Variants in ANKRD33B observed in about 807,000 individuals in gnomAD.
ANKRD33B encodes the protein ankyrin repeat domain-containing protein 33B.
A neutral mutation model predicts 21.5 loss-of-function variants in ANKRD33B; 6 were observed. The ratio of observed to expected loss-of-function variants is 0.28; its 90% CI spans 0.15 to 0.55. The LOEUF (loss-of-function observed/expected upper bound fraction) is 0.55, where lower values mean the gene tolerates loss of function less well. ANKRD33B is among the 20% of genes least tolerant of loss of function. The pLI, the probability that ANKRD33B is intolerant of heterozygous loss-of-function variation, is 0.94. For synonymous variants in ANKRD33B, 347 were observed against 342.4 expected, an observed-to-expected ratio of 1.01 and a Z score of -0.15; for missense variants, 698 against 747.2, an observed-to-expected ratio of 0.93 and a Z score of 0.77.
chr5:10,629,089 C>G (rs1736645854), intron 2 of ANKRD33B, among the ~76,000 whole-genome samples: 1 of 152,112 alleles, frequency 6.6e-6, no homozygotes, highest in South Asian at 2.1e-4. Context: ...GAGACCTCAT[C>G]TAAAGAGCAG....
intron 3 of ANKRD33B, among the ~76,000 whole-genome samples, chr5:10,645,368 C>T (rs1054537933): frequency 2.6e-5 from 4 of 152,188 alleles, no homozygotes; most frequent in African/African-American, 7.2e-5. Context: ...CAGGGCTTCA[C>T]GCTCCACCCA....
chr5:10,600,834 A>G (rs1006373739), intron 1 of ANKRD33B, among the ~76,000 whole-genome samples: 18 of 152,120 alleles, frequency 1.2e-4, no homozygotes, highest in Admixed American at 1.1e-3. Context: ...AGTCTTTTTA[A>G]TTTTAACCAT....
chr5:10,590,607 CGTGTGT>C (rs796913943), intron 1 of ANKRD33B, among the ~76,000 whole-genome samples: 27 of 84,400 alleles, frequency 3.2e-4, no homozygotes, highest in African/African-American at 1.4e-3. Context: ...CGCGCGCGCG[CGTGTGT>C]GTGTGTGTGT....
chr5:10,602,203 C>T (rs1324187069), intron 1 of ANKRD33B, among the ~76,000 whole-genome samples: 1 of 152,246 alleles, frequency 6.6e-6, no homozygotes, highest in Non-Finnish European at 1.5e-5. Context: ...CCCGGGGCCT[C>T]ACCCAGGGCG....
intron 1 of ANKRD33B, among the ~76,000 whole-genome samples, chr5:10,613,463 AT>A (rs777668096): frequency 1.3e-5 from 2 of 150,544 alleles, no homozygotes; most frequent in South Asian, 2.1e-4. Context: ...TTTTTTTTGT[AT>A]TTTTTTTAGT....
intron 2 of ANKRD33B, among the ~76,000 whole-genome samples, chr5:10,621,238 G>C (rs1033698123): frequency 6.6e-6 from 1 of 152,120 alleles, no homozygotes; most frequent in African/African-American, 2.4e-5. Flanking sequence ...GTAACCAGCT[G>C]TATCTTCAAG....
At chr5:10,638,995 G>A (rs188414699) in intron 3 of ANKRD33B, among the ~76,000 whole-genome samples, 10 of 65,300 alleles carry the variant, frequency 1.5e-4, no homozygotes, top group Middle Eastern at 0.01. Flanking sequence ...GCGGAGTTGC[G>A]CGGCGATGTT....
chr5:10,640,334 C>T (rs925145648), intron 3 of ANKRD33B, among the ~76,000 whole-genome samples: 4 of 152,200 alleles, frequency 2.6e-5, no homozygotes, highest in Non-Finnish European at 5.9e-5. Flanking sequence ...CTGTTCCCAT[C>T]TGTGAAATGG....
intron 1 of ANKRD33B, 67 bp from the exon 2 acceptor site, chr5:10,618,266 G>A: frequency 6.5e-7 from 1 of 1,532,350 alleles, no homozygotes; most frequent in Non-Finnish European, 8.7e-7. Context: ...GCCCCTCGGG[G>A]TCCCCAGTGC....
intron 1 of ANKRD33B, among the ~76,000 whole-genome samples, chr5:10,568,348 A>G (rs1184784214): frequency 2.0e-5 from 3 of 152,204 alleles, no homozygotes; most frequent in African/African-American, 4.8e-5. Flanking sequence ...TCCACTTACT[A>G]TCACCTGAAG....
rs532984079 is a variant in ANKRD33B, at chr5:10,646,342, T to C, written c.638-2924T>C. On this transcript the variant is annotated intron_variant, in intron 3 of 3. Coordinates refer to ENST00000296657, the MANE Select transcript of ANKRD33B (RefSeq NM_001164440.2). ...GGAAGGTATTTGTATAAAATGTTAA[T>C]AATCGGTACTTATCTTTTATAATTT... Among the ~76,000 whole-genome samples the C allele has an allele frequency of 3.9e-5, 6 of 152,368 alleles. No homozygotes were observed. The East Asian group carries it at 1.2e-3, about 29-fold the overall frequency.
In ANKRD33B at chr5:10,619,364, G is replaced by A. The variant is rs1056308385; in HGVS notation, c.496+902G>A. 3.0e-6 allele frequency: 3 copies of A among 985,286 alleles called. No homozygotes were observed. The highest frequency in any genetic ancestry group is 3.6e-6 in the Non-Finnish European group (3 of 829,926). The allele number at this position is 985,286 out of a possible 1,614,324, so 61.0% of individuals were successfully genotyped here. A position where few individuals can be genotyped will look rare whatever the true frequency, so the allele number is the denominator to read the frequency against. On this transcript the variant is annotated intron_variant, in intron 2 of 3. Transcript: ENST00000296657. This position sits in a 1 kb window ranked among gnomAD's most constrained non-coding sequence, Gnocchi z 4.5. ...TCAGGGCCTGGAAACTGGAGGAAGT[G>A]CCCCCGACCACACTGTATGTTGATT... is the stretch of plus-strand genomic sequence containing the variant.
At chr5:10,595,452 G>A (rs1278674246) in intron 1 of ANKRD33B, among the ~76,000 whole-genome samples, 4 of 152,164 alleles carry the variant, frequency 2.6e-5, no homozygotes, top group Admixed American at 6.5e-5. Context: ...TCTGTCCTCT[G>A]CACATCTGTG....
At chr5:10,567,245 CA>C (rs1219898531) in intron 1 of ANKRD33B, among the ~76,000 whole-genome samples, 4 of 152,220 alleles carry the variant, frequency 2.6e-5, no homozygotes, top group Admixed American at 6.5e-5. Flanking sequence ...GTTGATCAAA[CA>C]GCCTCTATCT....
At chr5:10,579,874 C>T (rs550198108) in intron 1 of ANKRD33B, among the ~76,000 whole-genome samples, 2 of 152,244 alleles carry the variant, frequency 1.3e-5, no homozygotes, top group South Asian at 4.1e-4. Context: ...TAATGTCTAC[C>T]GTGGTTTTTA....
At chr5:10,591,119 C>G (rs773242236) in intron 1 of ANKRD33B, among the ~76,000 whole-genome samples, 1 of 151,518 alleles carries the variant, frequency 6.6e-6, no homozygotes, top group Admixed American at 6.6e-5. Flanking sequence ...TTATGGTTTC[C>G]GGCCTTGCTC....
chr5:10,580,508 G>GC (rs1156942351), intron 1 of ANKRD33B, among the ~76,000 whole-genome samples: 3 of 148,868 alleles, frequency 2.0e-5, no homozygotes, highest in South Asian at 2.2e-4. Flanking sequence ...CCCACCCCCA[G>GC]CCCCACCCTG....
At chr5:10,615,751 A>T (rs1377446440) in intron 1 of ANKRD33B, among the ~76,000 whole-genome samples, 1 of 152,268 alleles carries the variant, frequency 6.6e-6, no homozygotes, top group African/African-American at 2.4e-5. Context: ...TGTTTTATTT[A>T]TAAGTCAGGA....
At chr5:10,647,998 C>T (rs542882366) in intron 3 of ANKRD33B, among the ~76,000 whole-genome samples, 4 of 152,230 alleles carry the variant, frequency 2.6e-5, no homozygotes, top group Non-Finnish European at 4.4e-5. Flanking sequence ...CTAAAACTGA[C>T]CATCACACCA....
Sources: gnomAD v4.1 joint callset for allele counts (sites outside exome capture counted in the v4.1 genomes callset) on GRCh38, gnomAD v4.1.1 for gene constraint, Gnocchi (gnomAD v3.1) non-coding constraint, MANE v1.5 for transcripts, NCBI Gene and HGNC (gene_info 2026-07-23, HGNC 2026-07-21) for gene names.